The following XAF1 variants were observed in gnomAD, a reference collection of about 807,000 sequenced individuals.
XAF1 encodes the protein XIAP associated factor 1.
In XAF1, 32 loss-of-function variants were observed where a neutral mutation model predicts 32.3. The ratio of observed to expected loss-of-function variants is 0.99; its 90% CI spans 0.75 to 1.33. The LOEUF (loss-of-function observed/expected upper bound fraction) is 1.33, where lower values mean the gene tolerates loss of function less well. XAF1 is among the 40% of genes most tolerant of loss of function. The pLI is 0.00. For synonymous variants in XAF1, 120 were observed against 125.9 expected (o/e 0.95, Z 0.31); for missense variants, 379 against 366.0 (o/e 1.04, Z -0.29).
intron 6 of XAF1, chr17:6,772,900 C>A: frequency 2.1e-6 from 1 of 484,348 alleles, no homozygotes; most frequent in Non-Finnish European, 3.6e-6. Context: ...TCTGTCCCTC[C>A]ACCCAGTGAT....
chr17:6,760,262 T>G (rs1975075499), intron 3 of XAF1, 144 bp from the exon 4 acceptor site: 3 of 757,342 alleles, frequency 4.0e-6, no homozygotes, highest in African/African-American at 3.7e-5. Flanking sequence ...GCAGGAGAAT[T>G]GCTTGAACCC....
chr17:6,768,342 T>A (rs758279683), intron 5 of XAF1, among the ~76,000 whole-genome samples: 3 of 152,086 alleles, frequency 2.0e-5, no homozygotes, highest in Non-Finnish European at 4.4e-5. Flanking sequence ...AAGCTGGTCT[T>A]GAACTCCTGA....
intron 5 of XAF1, among the ~76,000 whole-genome samples, chr17:6,764,071 C>T (rs1485201626): frequency 6.6e-6 from 1 of 152,340 alleles, no homozygotes; most frequent in South Asian, 2.1e-4. Flanking sequence ...AGCTCCAATA[C>T]ACATGGAACT....
At chr17:6,770,435 C>T (rs1975933523) in intron 5 of XAF1, among the ~76,000 whole-genome samples, 1 of 152,152 alleles carries the variant, frequency 6.6e-6, no homozygotes, top group African/African-American at 2.4e-5. Flanking sequence ...ACATTCAAAC[C>T]ATAGCAACCA....
At position 6,758,084 on chromosome 17, in the gene XAF1, TGTA is replaced by T; in HGVS notation, c.33-1_34del. 6.2e-7 allele frequency: 1 copy of T among 1,614,218 alleles called. No individual in the cohort carries two copies. The highest frequency in any genetic ancestry group is 8.5e-7 in the Non-Finnish European group (1 of 1,180,030). On this transcript the variant is annotated splice_acceptor_variant and splice_polypyrimidine_tract_variant and intron_variant, in intron 1 of 6. Transcript: ENST00000361842. LOFTEE classifies it high-confidence loss of function. Reference sequence around the variant, plus strand: ...TTTTTCTATCCCCACACCTTGACCCTGTAGTAAAAGACATGTAGTCTCTGCCAA... The same window carrying T: ...TTTTTCTATCCCCACACCTTGACCCTGTAAAAGACATGTAGTCTCTGCCAA...
chr17:6,774,693 CAATCGCAAA>C lies in XAF1; in HGVS notation c.*1525_*1533del, dbSNP rs1976301304. The C allele has an allele frequency of 6.6e-6, 1 of 152,146 alleles. No homozygotes were observed. The highest frequency in any genetic ancestry group is 2.4e-5 in the African/African-American group (1 of 41,420). The allele number at this position is 152,146 out of a possible 1,614,324, so 9.4% of individuals were successfully genotyped here. A position where few individuals can be genotyped will look rare whatever the true frequency, so the allele number is the denominator to read the frequency against. ...CAAATGTTCACGGCAGCACTATACA[CAATCGCAAA>C]GTCAGGGAATCAAACTAAATGTCCA... On this transcript the variant is annotated 3_prime_UTR_variant, in exon 7 of 7. Coordinates refer to ENST00000361842, the MANE Select transcript of XAF1 (RefSeq NM_017523.5).
intron 1 of XAF1, among the ~76,000 whole-genome samples, chr17:6,756,989 C>A (rs1485919765): frequency 7.3e-6 from 1 of 136,936 alleles, no homozygotes; most frequent in African/African-American, 2.9e-5. Flanking sequence ...TTTCTTTCTT[C>A]TTCTTTTTTT....
In XAF1 at chr17:6,774,346, G is replaced by A. The variant is rs1374582844; in HGVS notation, c.*1177G>A. ...AATTCCCCATTCAGTAAGTGGTACT[G>A]GGATAACTAGCTAGCCATATGCAGA... On this transcript the variant is annotated 3_prime_UTR_variant, in exon 7 of 7. Transcript: ENST00000361842. 6.6e-6 allele frequency: 1 copy of A among 152,152 alleles called. No homozygotes were observed. The highest frequency in any genetic ancestry group is 2.4e-5 in the African/African-American group (1 of 41,412). The allele number at this position is 152,152 out of a possible 1,614,324, so 9.4% of individuals were successfully genotyped here. A position where few individuals can be genotyped will look rare whatever the true frequency, so the allele number is the denominator to read the frequency against.
chr17:6,760,347 C>CACA (rs1555548177), intron 3 of XAF1, 59 bp from the exon 4 acceptor site: 1 of 840,668 alleles, frequency 1.2e-6, no homozygotes, highest in Non-Finnish European at 1.6e-6. Flanking sequence ...GACTCTGTCT[C>CACA]AAAAAAAAAA....
At chr17:6,760,644 C>A in intron 4 of XAF1, 43 bp downstream of exon 4, 1 of 1,566,014 alleles carries the variant, frequency 6.4e-7, no homozygotes, top group East Asian at 2.3e-5. Flanking sequence ...TTCCAAGGGC[C>A]AGAGCCTTTC....
Position 6,773,242 on chromosome 17 carries a change from T to A in XAF1, c.*73T>A, listed in dbSNP as rs1976192483. On this transcript the variant is annotated 3_prime_UTR_variant, in exon 7 of 7. Transcript: ENST00000361842. ...CACTGGCATTCCTGCCTACTTGCTG[T>A]GGTGGTCTTGTGAAAGGTGATGGGT... 5 of 1,397,142 alleles carry A rather than the reference T, an allele frequency of 3.6e-6. No individual in the cohort carries two copies. The highest frequency in any genetic ancestry group is 9.8e-7 in the Non-Finnish European group (1 of 1,021,426). The allele number at this position is 1,397,142 out of a possible 1,614,324, so 86.5% of individuals were successfully genotyped here.
intron 5 of XAF1, among the ~76,000 whole-genome samples, chr17:6,762,464 T>G (rs1975295742): frequency 1.3e-5 from 2 of 152,152 alleles, no homozygotes; most frequent in Admixed American, 1.3e-4. Flanking sequence ...CAAAGGGGCT[T>G]CCCTTGCCAC....
At chr17:6,755,912 C>T, upstream of XAF1, 1 of 1,462,664 alleles carries the variant, frequency 6.8e-7, no homozygotes, top group East Asian at 2.5e-5. Context: ...TGTAAAGGGG[C>T]TTCTTGGGAG....
At chr17:6,756,581 A>AG (rs934567853) in intron 1 of XAF1, among the ~76,000 whole-genome samples, 46 of 149,294 alleles carry the variant, frequency 3.1e-4, no homozygotes, top group South Asian at 1.1e-3. Flanking sequence ...CTCTAACGGG[A>AG]GGGGGGGCGC....
Position 6,760,405 on chromosome 17 carries a change from G to A in XAF1, c.226-1G>A, listed in dbSNP as rs754160614. 114 of 1,607,044 alleles carry A rather than the reference G, an allele frequency of 7.1e-5. No individual in the cohort carries two copies. The highest frequency in any genetic ancestry group is 9.3e-5 in the Non-Finnish European group (110 of 1,177,512). On this transcript the variant is annotated splice_acceptor_variant, in intron 3 of 6. Transcript: ENST00000361842. LOFTEE classifies it high-confidence loss of function. ...CATGCCCTTCCTGCTGCCTCCCACA[G>A]GCCAATGAGTGCCAGGAGCGCCCTG... is the stretch of plus-strand genomic sequence containing the variant.
In XAF1 at chr17:6,760,524, G is replaced by A. The variant is rs775121803; in HGVS notation, c.344G>A (p.Cys115Tyr). The A allele has an allele frequency of 6.2e-7, 1 of 1,613,722 alleles. No individual in the cohort carries two copies. The change falls in exon 4 of 7, where the codon TGT (cysteine) becomes TAT (tyrosine). Residue 115 changes from cysteine to tyrosine, a missense_variant. By Grantham distance (194) the Cys-to-Tyr change is radical. Coordinates refer to ENST00000361842, the MANE Select transcript of XAF1 (RefSeq NM_017523.5). ...CGSRTELCQGCGQFIMHRMLA... is the reference protein window; with the variant it reads ...CGSRTELCQGYGQFIMHRMLA... ...AGCCGGACAGAGCTCTGCCAAGGCT[G>A]TGGCCAGTTCATCATGCACCGCATG...
chr17:6,762,721 A>C (rs1235431615), intron 5 of XAF1, among the ~76,000 whole-genome samples: 1 of 152,142 alleles, frequency 6.6e-6, no homozygotes, highest in South Asian at 2.1e-4. Flanking sequence ...GCCTGGGAAC[A>C]CTCACAGGTT....
intron 5 of XAF1, among the ~76,000 whole-genome samples, chr17:6,769,359 C>T (rs1975850578): frequency 6.6e-6 from 1 of 152,064 alleles, no homozygotes; most frequent in African/African-American, 2.4e-5. Flanking sequence ...AATCATCCCA[C>T]AATGTATATA....
intron 2 of XAF1, chr17:6,759,068 G>A: frequency 3.5e-6 from 3 of 868,694 alleles, no homozygotes; most frequent in Non-Finnish European, 2.8e-6. Flanking sequence ...ATGGGGTCCG[G>A]GAGTTGGGGT....
Sources: allele counts gnomAD v4.1 joint callset (sites outside exome capture counted in the v4.1 genomes callset), GRCh38; gene constraint gnomAD v4.1.1; transcripts MANE v1.5; gene names NCBI Gene and HGNC (gene_info 2026-07-23, HGNC 2026-07-21).